USP45: variants seen among roughly 807,000 people sequenced by gnomAD.
USP45 encodes the protein ubiquitin carboxyl-terminal hydrolase 45.
Under a neutral mutation model 95.8 loss-of-function variants are expected in USP45, and 89 were observed. That is an observed-to-expected ratio of 0.93 (90% confidence interval 0.78 to 1.11). The LOEUF is 1.11. USP45 is among the 50% of genes least tolerant of loss of function. The pLI is 0.00. For synonymous variants in USP45, 281 were observed against 316.2 expected (o/e 0.89, Z 1.18); for missense variants, 898 against 942.5 (o/e 0.95, Z 0.62).
At chr6:99,448,687 T>C (rs1783104958) in intron 13 of USP45, among the ~76,000 whole-genome samples, 1 of 152,098 alleles carries the variant, frequency 6.6e-6, no homozygotes, top group Non-Finnish European at 1.5e-5. Context: ...GCCACAAAGA[T>C]ACTCCTTGAG....
chr6:99,461,084 G>A, intron 13 of USP45: 1 of 984,872 alleles, frequency 1.0e-6, no homozygotes, highest in Non-Finnish European at 1.2e-6. Context: ...GATTCTGGCA[G>A]AAGTATTAAG....
chr6:99,453,824 G>C (rs1297601457), intron 13 of USP45, among the ~76,000 whole-genome samples: 1 of 152,090 alleles, frequency 6.6e-6, no homozygotes, highest in East Asian at 1.9e-4. Context: ...GCCAGGCATG[G>C]TAGCAGGCAC....
At chr6:99,444,432 T>G (rs1321736205) in intron 14 of USP45, among the ~76,000 whole-genome samples, 1 of 152,214 alleles carries the variant, frequency 6.6e-6, no homozygotes, top group Non-Finnish European at 1.5e-5. Flanking sequence ...TTTATTCTGA[T>G]GCTTTGACAT....
chr6:99,456,051 T>C (rs1784990906), intron 13 of USP45, among the ~76,000 whole-genome samples: 1 of 140,400 alleles, frequency 7.1e-6, no homozygotes, highest in Non-Finnish European at 1.5e-5. Context: ...GAGAATGGCA[T>C]GAACCTGGGA....
chr6:99,498,765 T>G (rs555038589), intron 5 of USP45, among the ~76,000 whole-genome samples: 1 of 152,232 alleles, frequency 6.6e-6, no homozygotes, highest in African/African-American at 2.4e-5. Context: ...AGAGGCCATA[T>G]GGCATGTGAT....
intron 13 of USP45, chr6:99,462,447 T>C (rs762519518): frequency 4.0e-4 from 390 of 982,800 alleles, no homozygotes; most frequent in Middle Eastern, 1.6e-3. Context: ...AGAAAAAAAA[T>C]CACTACACAT....
chr6:99,435,566 G>C lies in USP45; in HGVS notation c.*150C>G, dbSNP rs527372133. The C allele has an allele frequency of 1.9e-5, 10 of 534,076 alleles. No individual in the cohort carries two copies. The highest frequency in any genetic ancestry group is 3.1e-5 in the Non-Finnish European group (10 of 327,392). The allele number at this position is 534,076 out of a possible 1,614,324, so 33.1% of individuals were successfully genotyped here. A position where few individuals can be genotyped will look rare whatever the true frequency, so the allele number is the denominator to read the frequency against. On this transcript the variant is annotated 3_prime_UTR_variant, in exon 18 of 18. Coordinates refer to ENST00000500704, the MANE Select transcript of USP45 (RefSeq NM_001346022.3). ...AGCATTGAGTAAATTTACTTTAAAA[G>C]GGTTCACCAAAATGGTGAAAAAGTT...
chr6:99,450,321 A>C (rs1173739600), intron 13 of USP45, among the ~76,000 whole-genome samples: 1 of 152,220 alleles, frequency 6.6e-6, no homozygotes, highest in African/African-American at 2.4e-5. Flanking sequence ...AGAAGAATCA[A>C]ATAGGCACAA....
At chr6:99,510,633 C>T (rs747214453) in intron 1 of USP45, among the ~76,000 whole-genome samples, 2 of 152,078 alleles carry the variant, frequency 1.3e-5, no homozygotes, top group Admixed American at 6.6e-5. Flanking sequence ...TGAGGATATA[C>T]GAGAAGATGG....
intron 4 of USP45, among the ~76,000 whole-genome samples, chr6:99,505,175 G>A (rs1798234076): frequency 6.6e-6 from 1 of 152,138 alleles, no homozygotes; most frequent in African/African-American, 2.4e-5. Context: ...GCGCTTATTT[G>A]GAGGCAGAGG....
chr6:99,513,052 T>C (rs1474515632), intron 1 of USP45, among the ~76,000 whole-genome samples: 1 of 152,096 alleles, frequency 6.6e-6, no homozygotes, highest in Non-Finnish European at 1.5e-5. Context: ...GCAAGTCACA[T>C]GGCACATTTA....
intron 15 of USP45, among the ~76,000 whole-genome samples, chr6:99,440,959 T>C (rs1328183189): frequency 6.6e-6 from 1 of 152,204 alleles, no homozygotes; most frequent in East Asian, 1.9e-4. Context: ...GTGAAGGACT[T>C]TAATATAAGA....
At chr6:99,503,636 C>T in intron 5 of USP45, 129 bp downstream of exon 5, 1 of 651,732 alleles carries the variant, frequency 1.5e-6, no homozygotes. Flanking sequence ...AGCCGATACT[C>T]ATAATATCTT....
chr6:99,465,277 T>C, intron 11 of USP45, 141 bp from the exon 12 acceptor site: 1 of 549,662 alleles, frequency 1.8e-6, no homozygotes, highest in East Asian at 2.9e-5. Context: ...AGCAATTTAA[T>C]TGGGTATTGC....
At chr6:99,451,662 C>T (rs1430796462) in intron 13 of USP45, among the ~76,000 whole-genome samples, 1 of 152,156 alleles carries the variant, frequency 6.6e-6, no homozygotes, top group Non-Finnish European at 1.5e-5. Flanking sequence ...ACTTTCTTCA[C>T]AGAATTGGAA....
chr6:99,483,882 T>C (rs1469243871), intron 7 of USP45, among the ~76,000 whole-genome samples: 1 of 149,528 alleles, frequency 6.7e-6, no homozygotes, highest in Non-Finnish European at 1.5e-5. Context: ...TCTTCCAAGA[T>C]AACTATTGAA....
At position 99,435,821 on chromosome 6, in the gene USP45, TGATTCATTATCAGCC is replaced by T; in HGVS notation, c.2325_2339del (p.Asp777_Ala781del). On this transcript the variant is annotated inframe_deletion, in exon 18 of 18. Coordinates refer to ENST00000500704, the MANE Select transcript of USP45 (RefSeq NM_001346022.3). Reference sequence around the variant, plus strand: ...CACTAACATGGACCCACTGGCCTGCTGATTCATTATCAGCCGCTTTCAAACCTAGCAAAACAAAAA... The same window carrying T: ...CACTAACATGGACCCACTGGCCTGCTGCTTTCAAACCTAGCAAAACAAAAA... 1.2e-6 allele frequency: 2 copies of T among 1,613,020 alleles called. No individual in the cohort carries two copies. Among genetic ancestry groups the T allele is most frequent in the South Asian group, 2.2e-5 (2 of 90,808 alleles).
chr6:99,432,732 C>T lies in USP45; in HGVS notation c.*2984G>A, dbSNP rs1411161676. 6.6e-6 allele frequency: 1 copy of T among 152,482 alleles called. No homozygotes were observed. Among genetic ancestry groups the T allele is most frequent in the East Asian group, 1.9e-4 (1 of 5,202 alleles). 9.4% of individuals were successfully genotyped at this position (152,482 alleles called of 1,614,324 possible). On this transcript the variant is annotated 3_prime_UTR_variant, in exon 18 of 18. Coordinates refer to ENST00000500704, the MANE Select transcript of USP45 (RefSeq NM_001346022.3). Reference sequence around the variant, plus strand: ...CATATTTGGTTTAGGCTTATTTGATCAATACATGCAGAAAAATAAATTACA... The same window carrying T: ...CATATTTGGTTTAGGCTTATTTGATTAATACATGCAGAAAAATAAATTACA...
At chr6:99,446,771 T>A (rs1015182455) in intron 13 of USP45, among the ~76,000 whole-genome samples, 2 of 152,210 alleles carry the variant, frequency 1.3e-5, no homozygotes, top group African/African-American at 4.8e-5. Flanking sequence ...AGAGACAGCA[T>A]CTTGCTCTGT....
Sources: allele counts gnomAD v4.1 joint callset (sites outside exome capture counted in the v4.1 genomes callset), GRCh38; gene constraint gnomAD v4.1.1; transcripts MANE v1.5; gene names NCBI Gene and HGNC (gene_info 2026-07-23, HGNC 2026-07-21).